The following GOLGA2 variants were observed in gnomAD, a reference collection of about 807,000 sequenced individuals.
GOLGA2 encodes golgin A2.
In GOLGA2, 49 loss-of-function variants were observed where a neutral mutation model predicts 148.8. The observed-to-expected ratio is 0.33, with a 90% CI of 0.26 to 0.42. The LOEUF is 0.42. Among genes scored for constraint, GOLGA2 ranks in the 10% least tolerant of loss-of-function variants. The pLI is 1.00. For synonymous variants in GOLGA2, 501 were observed against 511.8 expected, an observed-to-expected ratio of 0.98 and a Z score of 0.28; for missense variants, 1,178 against 1,304.6, an observed-to-expected ratio of 0.90 and a Z score of 1.49.
chr9:128,260,580 C>T lies in GOLGA2; in HGVS notation c.1643G>A (p.Arg548His), dbSNP rs1564363687. The T allele has an allele frequency of 4.3e-6, 7 of 1,611,786 alleles. No individual in the cohort carries two copies. Among genetic ancestry groups the T allele is most frequent in the Admixed American group, 3.3e-5 (2 of 60,028 alleles). ...CTGCATGGTCTCCAGGATTTGCCTG[C>T]GCGCCTCCGCCTGCTCCCCCCAGAG... ...AELWGEQAEA[R>H]RQILETMQND... Residue 548 changes from arginine to histidine, a missense_variant, in exon 18 of 27, where the codon CGC (arginine) becomes CAC (histidine). By Grantham distance (29) the Arg-to-His change is conservative (BLOSUM62 0). This residue lies in a region of GOLGA2 where 529 missense variants were observed against 521.8 expected (regional missense o/e 1.01). Coordinates refer to ENST00000611957, the MANE Select transcript of GOLGA2 (RefSeq NM_001366244.2). This position sits in a 1 kb window ranked among gnomAD's most constrained non-coding sequence, Gnocchi z 4.8.
At chr9:128,265,542 G>C (rs973103164) in intron 12 of GOLGA2, 43 bp downstream of exon 12, 1 of 1,396,652 alleles carries the variant, frequency 7.2e-7, no homozygotes, top group Non-Finnish European at 1.0e-6. Flanking sequence ...CCTCCATCTG[G>C]GAAGCCAGTA....
chr9:128,273,344 T>A (rs1394739695), intron 2 of GOLGA2, among the ~76,000 whole-genome samples: 1 of 152,204 alleles, frequency 6.6e-6, no homozygotes, highest in Non-Finnish European at 1.5e-5. Context: ...AAGTGGTTTT[T>A]CTGTGGTCAC....
At chr9:128,273,709 C>T in intron 2 of GOLGA2, 141 bp downstream of exon 2, 2 of 1,094,840 alleles carry the variant, frequency 1.8e-6, no homozygotes, top group Non-Finnish European at 1.3e-6. Flanking sequence ...TGCCCTAAAT[C>T]ACATCCCTAG....
rs1830330306 is a variant in GOLGA2 at position 128,262,451 on chromosome 9, G to A, written c.1134+112C>T. 4 of 980,534 alleles carry A rather than the reference G, an allele frequency of 4.1e-6. No individual in the cohort carries two copies. In the East Asian group the frequency reaches 9.8e-5, roughly 24 times the overall value. The allele number at this position is 980,534 out of a possible 1,614,324, so 60.7% of individuals were successfully genotyped here. On this transcript the variant is annotated intron_variant, in intron 14 of 26. Coordinates refer to ENST00000611957, the MANE Select transcript of GOLGA2 (RefSeq NM_001366244.2). ...GGATTTTATGCCAGGACCGGAACAA[G>A]GACCCAAATTTTCCAGCTCTTGGCT...
intron 2 of GOLGA2, 150 bp from the exon 3 acceptor site, chr9:128,273,015 A>G: frequency 3.0e-6 from 1 of 335,050 alleles, no homozygotes. Context: ...GGCCTGTGCC[A>G]TCCTTCCAAA....
At position 128,259,324 on chromosome 9, in the gene GOLGA2, T is replaced by C. The variant is rs1830107839; in HGVS notation, c.1940A>G (p.Gln647Arg). The C allele has an allele frequency of 6.2e-7, 1 of 1,610,298 alleles. No individual in the cohort carries two copies. The highest frequency in any genetic ancestry group is 2.2e-5 in the East Asian group (1 of 44,830). The change falls in exon 20 of 27, where the codon CAG becomes CGG. Residue 647 changes from glutamine (Q) to arginine (R), a missense_variant. Gln to Arg is a conservative substitution (Grantham distance 43). This residue lies in a region of GOLGA2 where 529 missense variants were observed against 521.8 expected (regional missense o/e 1.01). Coordinates refer to ENST00000611957, the MANE Select transcript of GOLGA2 (RefSeq NM_001366244.2). ...CTGCTGATAGGCGGCCACATACTGC[T>C]GCAGGTGTCCCAGGTACTGGTCTCG... ...QQRDQYLGHL[Q>R]QYVAAYQQLT... is the part of the protein sequence containing the mutation.
intron 6 of GOLGA2, 38 bp downstream of exon 6, chr9:128,267,896 T>TC (rs760779067): frequency 3.9e-5 from 58 of 1,488,388 alleles, no homozygotes; most frequent in African/African-American, 6.9e-5. Context: ...ATAGTTCCCT[T>TC]CCCCCCACCC....
Position 128,260,282 on chromosome 9 carries a change from G to A in GOLGA2, c.1759-93C>T. The A allele has an allele frequency of 8.3e-7, 1 of 1,200,342 alleles. No homozygotes were observed. The highest frequency in any genetic ancestry group is 1.7e-5 in the Admixed American group (1 of 59,264). 74.4% of individuals were successfully genotyped at this position (1,200,342 alleles called of 1,614,324 possible). ...GTCTGCCTCCCATGGCACCGGGAAG[G>A]GTGGAGGCAGGTTAGAAAAATCATC... On this transcript the variant is annotated intron_variant, in intron 18 of 26. Transcript: ENST00000611957. This position sits in a 1 kb window ranked among gnomAD's most constrained non-coding sequence, Gnocchi z 4.8.
At chr9:128,275,354 T>C (rs927144860) in intron 1 of GOLGA2, 6 of 1,234,752 alleles carry the variant, frequency 4.9e-6, no homozygotes, top group Non-Finnish European at 6.3e-6. Context: ...GTGACGTCAC[T>C]ACATTCCACT....
At position 128,265,830 on chromosome 9, in the gene GOLGA2, T is replaced by A. The variant is rs1487383408; in HGVS notation, c.784A>T (p.Thr262Ser). ...GCATGCTGAGTGTGAGCCAGGGCTGTCTGTAACTCAGCTTTCTCTGATACG... is the reference window on the plus strand; with the variant it reads ...GCATGCTGAGTGTGAGCCAGGGCTGACTGTAACTCAGCTTTCTCTGATACG... ...ILVSEKAELQ[T>S]ALAHTQHAAR... Residue 262 changes from threonine to serine, a missense_variant, in exon 11 of 27, where the codon ACA becomes TCA. Physicochemically the swap from Thr to Ser is moderately conservative, Grantham distance 58. Transcript: ENST00000611957. 6.2e-7 allele frequency: 1 copy of A among 1,614,020 alleles called. No individual in the cohort carries two copies. Among genetic ancestry groups the A allele is most frequent in the East Asian group, 2.2e-5 (1 of 44,880 alleles).
chr9:128,267,178 C>G lies in GOLGA2; in HGVS notation c.642+16G>C. On this transcript the variant is annotated intron_variant, in intron 8 of 26. Coordinates refer to ENST00000611957, the MANE Select transcript of GOLGA2 (RefSeq NM_001366244.2). Reference sequence around the variant, plus strand: ...GATTAGCAGCATGGAATCAGGGGACCCCACTGGACTCTTACCAATTTCTCT... The same window carrying G: ...GATTAGCAGCATGGAATCAGGGGACGCCACTGGACTCTTACCAATTTCTCT... 6.9e-7 allele frequency: 1 copy of G among 1,455,300 alleles called. No homozygotes were observed. Among genetic ancestry groups the G allele is most frequent in the Non-Finnish European group, 9.7e-7 (1 of 1,035,230 alleles). The allele number at this position is 1,455,300 out of a possible 1,614,324, so 90.1% of individuals were successfully genotyped here. A position where few individuals can be genotyped will look rare whatever the true frequency, so the allele number is the denominator to read the frequency against.
chr9:128,273,881 G>A lies in GOLGA2; in HGVS notation c.176C>T (p.Thr59Ile). The A allele has an allele frequency of 6.2e-7, 1 of 1,614,132 alleles. No individual in the cohort carries two copies. Among genetic ancestry groups the A allele is most frequent in the South Asian group, 1.1e-5 (1 of 91,088 alleles). Residue 59 changes from threonine to isoleucine, a missense_variant, in exon 2 of 27, where the codon ACC becomes ATC. Physicochemically the swap from Thr to Ile is moderately conservative, Grantham distance 89. Around this residue, in one of 5 missense-constraint regions of GOLGA2, gnomAD observed 158 missense variants for 156.6 expected, o/e 1.01. Coordinates refer to ENST00000611957, the MANE Select transcript of GOLGA2 (RefSeq NM_001366244.2). ...AGGTGAGTGGCAACCACCAGAAGTG[G>A]TTGTCTCAGGGTTACTGCCATTTTT... ...KIKNGSNPET[T>I]TSGGCHSPED...
intron 19 of GOLGA2, among the ~76,000 whole-genome samples, 191 bp downstream of exon 19, chr9:128,259,885 A>T (rs1830142191): frequency 6.6e-6 from 1 of 152,200 alleles, no homozygotes; most frequent in South Asian, 2.1e-4. Flanking sequence ...GATGATGTCC[A>T]GACCTGAGAG....
rs1290102753 is a variant in GOLGA2 at position 128,267,279 on chromosome 9, G to A, written c.562-5C>T. On this transcript the variant is annotated splice_polypyrimidine_tract_variant and splice_region_variant and intron_variant, in intron 7 of 26. Coordinates refer to ENST00000611957, the MANE Select transcript of GOLGA2 (RefSeq NM_001366244.2). ...CGCTAGCTGTTGGTACCGGCTCTGA[G>A]GCGCATGCAGAGAGGAGGAGTTGGA... 6.3e-7 allele frequency: 1 copy of A among 1,599,808 alleles called. No individual in the cohort carries two copies. The highest frequency in any genetic ancestry group is 1.1e-5 in the South Asian group (1 of 90,776).
Position 128,257,999 on chromosome 9 carries a change from C to A in GOLGA2, c.2489G>T (p.Gly830Val). 6.2e-7 allele frequency: 1 copy of A among 1,608,742 alleles called. No individual in the cohort carries two copies. Among genetic ancestry groups the A allele is most frequent in the South Asian group, 1.1e-5 (1 of 90,616 alleles). The part of the protein sequence containing the change: ...VCGETHRALQ[G>V]AMEKLQSRFM... ...ATTCACCTGCAGCTTCTCCATGGCCCCCTGCAGGGCCCGGTGGGTCTCCCC... is the reference window on the plus strand; with the variant it reads ...ATTCACCTGCAGCTTCTCCATGGCCACCTGCAGGGCCCGGTGGGTCTCCCC... Residue 830 changes from glycine to valine, a missense_variant, in exon 23 of 27, where the codon GGG (glycine) becomes GTG (valine). Around this residue, in one of 5 missense-constraint regions of GOLGA2, gnomAD observed 529 missense variants for 521.8 expected, o/e 1.01. Transcript: ENST00000611957. This position sits in a 1 kb window ranked among gnomAD's most constrained non-coding sequence, Gnocchi z 8.0.
intron 5 of GOLGA2, 40 bp downstream of exon 5, chr9:128,268,073 ACTCT>A: frequency 6.2e-7 from 1 of 1,601,630 alleles, no homozygotes; most frequent in East Asian, 2.2e-5. Context: ...GGCCTCCCTG[ACTCT>A]CTCAGCCTAG....
In GOLGA2 at chr9:128,267,253, C is replaced by A; in HGVS notation, c.583G>T (p.Val195Leu). 1 of 1,610,946 alleles carries A rather than the reference C, an allele frequency of 6.2e-7. No homozygotes were observed. Among genetic ancestry groups the A allele is most frequent in the Non-Finnish European group, 8.5e-7 (1 of 1,177,122 alleles). Reference sequence around the variant, plus strand: ...GTTACATAGCTGGAGTCCAGGGCTACCGCTAGCTGTTGGTACCGGCTCTGA... The same window carrying A: ...GTTACATAGCTGGAGTCCAGGGCTAACGCTAGCTGTTGGTACCGGCTCTGA... ...DLESRYQQLA[V>L]ALDSSYVTNK... is the part of the protein sequence containing the mutation. Residue 195 changes from valine (V) to leucine (L), a missense_variant, in exon 8 of 27, where the codon GTA (valine) becomes TTA (leucine). Val to Leu is a conservative substitution (Grantham distance 32, BLOSUM62 1). Coordinates refer to ENST00000611957, the MANE Select transcript of GOLGA2 (RefSeq NM_001366244.2).
In GOLGA2 at chr9:128,260,152, G is replaced by A. The variant is rs768763105; in HGVS notation, c.1796C>T (p.Ser599Leu). 31 of 1,609,880 alleles carry A rather than the reference G, an allele frequency of 1.9e-5. No individual in the cohort carries two copies. The highest frequency in any genetic ancestry group is 3.3e-5 in the Admixed American group (2 of 59,992). The change falls in exon 19 of 27, where the codon TCG becomes TTG. Residue 599 changes from serine to leucine, a missense_variant. Physicochemically the swap from Ser to Leu is moderately radical, Grantham distance 145. Around this residue, in one of 5 missense-constraint regions of GOLGA2, gnomAD observed 529 missense variants for 521.8 expected, o/e 1.01. Coordinates refer to ENST00000611957, the MANE Select transcript of GOLGA2 (RefSeq NM_001366244.2). The surrounding 1 kb of genome is among the most constrained non-coding windows in gnomAD (Gnocchi z 4.8). ...ENMEITSALQ[S>L]EQHVKRELGK... ...CAGCTCCCTCTTGACGTGCTGCTCC[G>A]ACTGCAGTGCGCTGGTGATCTCCAT...
rs766415906 is a variant in GOLGA2, at chr9:128,275,964, G to C, written c.13C>G (p.Pro5Ala). ...ATCGCGGGGCGGGGAGGGAGGCGGG[G>C]TTGGGGCCACATCAGCGCGATCCCG... MWPQ[P>A]RLPPRPAMSE... is the part of the protein sequence containing the mutation. The change falls in exon 1 of 27, where the codon CCC (proline) becomes GCC (alanine). Residue 5 changes from proline (P) to alanine (A), a missense_variant. By Grantham distance (27) the Pro-to-Ala change is conservative (BLOSUM62 -1). Coordinates refer to ENST00000611957, the MANE Select transcript of GOLGA2 (RefSeq NM_001366244.2). 2 of 1,596,208 alleles carry C rather than the reference G, an allele frequency of 1.3e-6. No individual in the cohort carries two copies. The highest frequency in any genetic ancestry group is 1.1e-5 in the South Asian group (1 of 90,178).
Sources: gnomAD v4.1 joint callset for allele counts (sites outside exome capture counted in the v4.1 genomes callset) on GRCh38, gnomAD v4.1.1 for gene constraint, gnomAD v4.1.1 regional missense constraint, Gnocchi (gnomAD v3.1) non-coding constraint, MANE v1.5 for transcripts, NCBI Gene and HGNC (gene_info 2026-07-23, HGNC 2026-07-21) for gene names.